Variants in SERINC3 observed in about 807,000 individuals in gnomAD.
SERINC3 encodes the protein tumor differentially expressed protein 1.
In SERINC3, 22 loss-of-function variants were observed where a neutral mutation model predicts 52.1. The ratio of observed to expected loss-of-function variants is 0.42; its 90% confidence interval spans 0.30 to 0.60. SERINC3 has a LOEUF of 0.60. Ranked by LOEUF, SERINC3 falls within the 20% of genes least tolerant of loss-of-function variation. SERINC3 has a pLI of 0.16. For synonymous variants in SERINC3, 226 were observed against 212.7 expected (o/e 1.06, Z -0.54); for missense variants, 564 against 584.6 (o/e 0.96, Z 0.36).
intron 6 of SERINC3, among the ~76,000 whole-genome samples, chr20:44,505,280 T>A (rs2123040464): frequency 6.6e-6 from 1 of 152,312 alleles, no homozygotes; most frequent in African/African-American, 2.4e-5. Flanking sequence ...TAGATAGAAT[T>A]TTCATATTTC....
rs1413447841 is a variant in SERINC3 at position 44,504,838 on chromosome 20, A to C, written c.837T>G (p.Thr279=). ...LLQSSLITLY[T]MYLTWSAMSN... ...ACATGGCTGACCAGGTGAGGTACAT[A>C]GTGTAGAGGGTGATGAGGGAGGACT... is the stretch of plus-strand genomic sequence containing the variant. The change falls in exon 7 of 10, where the codon ACT becomes ACG. Residue 279 remains threonine (T), a synonymous_variant. Transcript: ENST00000342374. 6.2e-7 allele frequency: 1 copy of C among 1,612,872 alleles called. No homozygotes were observed. Among genetic ancestry groups the C allele is most frequent in the Non-Finnish European group, 8.5e-7 (1 of 1,179,124 alleles).
chr20:44,522,052 G>T lies in SERINC3; in HGVS notation c.-101C>A. 1 of 1,289,260 alleles carries T rather than the reference G, an allele frequency of 7.8e-7. No homozygotes were observed. The highest frequency in any genetic ancestry group is 1.1e-6 in the Non-Finnish European group (1 of 916,266). 79.9% of individuals were successfully genotyped at this position (1,289,260 alleles called of 1,614,324 possible). A position where few individuals can be genotyped will look rare whatever the true frequency, so the allele number is the denominator to read the frequency against. On this transcript the variant is annotated 5_prime_UTR_variant, in exon 1 of 10. Transcript: ENST00000342374. ...CCCCAGAAACATGACGGTTTCTCAG[G>T]CCGGAAACGCAGCCTTCCACAGACG... is the stretch of plus-strand genomic sequence containing the variant.
At chr20:44,507,862 C>A (rs1251726100) in intron 5 of SERINC3, among the ~76,000 whole-genome samples, 1 of 152,134 alleles carries the variant, frequency 6.6e-6, no homozygotes, top group African/African-American at 2.4e-5. Context: ...GAACAAAACC[C>A]CATCTCAAAC....
intron 1 of SERINC3, among the ~76,000 whole-genome samples, chr20:44,519,880 T>C (rs2064404793): frequency 6.6e-6 from 1 of 152,206 alleles, no homozygotes; most frequent in African/African-American, 2.4e-5. Context: ...TCCCATTTCC[T>C]GGCATACAAT....
rs770852215 is a variant in SERINC3, at chr20:44,501,097, A to G, written c.1259T>C (p.Met420Thr). Residue 420 changes from methionine to threonine, a missense_variant, in exon 9 of 10, where the codon ATG becomes ACG. Physicochemically the swap from Met to Thr is moderately conservative, Grantham distance 81 (BLOSUM62 -1). Coordinates refer to ENST00000342374, the MANE Select transcript of SERINC3 (RefSeq NM_006811.4). ...LMLCLASLYI[M>T]MTLTSWYSPD... ...CCTGTACCAGCTGGTCAGGGTCATC[A>G]TGATGTACAAGGAAGCCAAGCAGAG... The G allele has an allele frequency of 1.2e-6, 2 of 1,614,000 alleles. No individual in the cohort carries two copies. The highest frequency in any genetic ancestry group is 1.7e-6 in the Non-Finnish European group (2 of 1,179,918).
chr20:44,512,238 G>A (rs564951117), intron 3 of SERINC3, among the ~76,000 whole-genome samples: 19 of 151,652 alleles, frequency 1.3e-4, no homozygotes, highest in East Asian at 1.2e-3. Flanking sequence ...ACTTGAACCC[G>A]GGAGGGGGAG....
intron 5 of SERINC3, among the ~76,000 whole-genome samples, chr20:44,508,627 G>C (rs1353753461): frequency 6.6e-6 from 1 of 152,210 alleles, no homozygotes; most frequent in Non-Finnish European, 1.5e-5. Context: ...GTATGGAATG[G>C]AATACCATGC....
chr20:44,507,797 A>T (rs2064323937), intron 5 of SERINC3, among the ~76,000 whole-genome samples: 1 of 152,212 alleles, frequency 6.6e-6, no homozygotes, highest in African/African-American at 2.4e-5. Flanking sequence ...TGAGCCCAAG[A>T]CATAGAGGTT....
intron 1 of SERINC3, among the ~76,000 whole-genome samples, chr20:44,519,710 CAGG>C (rs1339305177): frequency 2.6e-5 from 4 of 151,780 alleles, no homozygotes; most frequent in African/African-American, 9.7e-5. Context: ...CACTTGAATC[CAGG>C]AGTTCAAGGC....
downstream of SERINC3, among the ~76,000 whole-genome samples, chr20:44,496,925 C>T (rs1568781645): frequency 6.6e-6 from 1 of 152,220 alleles, no homozygotes; most frequent in African/African-American, 2.4e-5. Context: ...CAGGCAGTTT[C>T]TTTGATTACC....
intron 5 of SERINC3, among the ~76,000 whole-genome samples, chr20:44,509,610 C>T (rs528291649): frequency 4.6e-4 from 70 of 152,180 alleles, no homozygotes; most frequent in South Asian, 3.3e-3. Flanking sequence ...CTTACTGCAG[C>T]CTTGAACTCC....
chr20:44,497,386 A>G (rs1297185334), downstream of SERINC3: 6 of 152,246 alleles, frequency 3.9e-5, no homozygotes, highest in Admixed American at 1.3e-4. Flanking sequence ...AAGCAGGGAC[A>G]CTGCCTCCCG....
chr20:44,512,931 A>G lies in SERINC3; in HGVS notation c.265T>C (p.Cys89Arg). The G allele has an allele frequency of 2.6e-6, 4 of 1,550,818 alleles. No individual in the cohort carries two copies. Among genetic ancestry groups the G allele is most frequent in the Non-Finnish European group, 2.6e-6 (3 of 1,157,804 alleles). ...HEADINADKD[C>R]DVLVGYKAVY... ...GCTTTATAACCAACCAGCACATCAC[A>G]ATCTTTATCTGCATTTATATCAGCC... Residue 89 changes from cysteine to arginine, a missense_variant, in exon 3 of 10, where the codon TGT becomes CGT. Coordinates refer to ENST00000342374, the MANE Select transcript of SERINC3 (RefSeq NM_006811.4).
At chr20:44,519,426 G>A in intron 1 of SERINC3, 1 of 972,578 alleles carries the variant, frequency 1.0e-6, no homozygotes. Flanking sequence ...TAATGTGATA[G>A]AAGATAAAAG....
chr20:44,507,497 C>G (rs1049827413), intron 5 of SERINC3, among the ~76,000 whole-genome samples: 1 of 152,142 alleles, frequency 6.6e-6, no homozygotes, highest in Non-Finnish European at 1.5e-5. Flanking sequence ...TAAGACTGTC[C>G]CTGAACTGGA....
At position 44,503,972 on chromosome 20, in the gene SERINC3, T is replaced by C. The variant is rs1368082279; in HGVS notation, c.898A>G (p.Met300Val). 2 of 1,592,418 alleles carry C rather than the reference T, an allele frequency of 1.3e-6. No homozygotes were observed. The highest frequency in any genetic ancestry group is 2.7e-5 in the African/African-American group (2 of 73,580). ...EPDRSCNPNL[M>V]SFITRITAPT... ...GCAGTTATGCGTGTAATAAAGCTCA[T>C]CAGGTTGGGATTGCAGGAACGATCT... The change falls in exon 8 of 10, where the codon ATG becomes GTG. Residue 300 changes from methionine to valine, a missense_variant. Met to Val is a conservative substitution (Grantham distance 21). Coordinates refer to ENST00000342374, the MANE Select transcript of SERINC3 (RefSeq NM_006811.4).
At position 44,513,004 on chromosome 20, in the gene SERINC3, A is replaced by G. The variant is rs1166098355; in HGVS notation, c.202-10T>C. On this transcript the variant is annotated splice_polypyrimidine_tract_variant and intron_variant, in intron 2 of 9. Coordinates refer to ENST00000342374, the MANE Select transcript of SERINC3 (RefSeq NM_006811.4). ...CACAAAATCCAGGAATCTGGAAAAAAGCAATTTCAATGTTACGAGAATATC... is the reference window on the plus strand; with the variant it reads ...CACAAAATCCAGGAATCTGGAAAAAGGCAATTTCAATGTTACGAGAATATC... The G allele has an allele frequency of 6.7e-7, 1 of 1,483,348 alleles. No individual in the cohort carries two copies. Among genetic ancestry groups the G allele is most frequent in the Non-Finnish European group, 8.9e-7 (1 of 1,121,728 alleles). The allele number at this position is 1,483,348 out of a possible 1,614,324, so 91.9% of individuals were successfully genotyped here. A position where few individuals can be genotyped will look rare whatever the true frequency, so the allele number is the denominator to read the frequency against.
At chr20:44,497,178 G>C (rs2064253387), downstream of SERINC3, among the ~76,000 whole-genome samples, 1 of 152,216 alleles carries the variant, frequency 6.6e-6, no homozygotes, top group Non-Finnish European at 1.5e-5. Context: ...CATCTGGAAT[G>C]AAAGGCCACC....
At position 44,521,934 on chromosome 20, in the gene SERINC3, A is replaced by T; in HGVS notation, c.18T>A (p.Gly6=). 2 of 1,611,578 alleles carry T rather than the reference A, an allele frequency of 1.2e-6. No homozygotes were observed. The highest frequency in any genetic ancestry group is 2.2e-5 in the South Asian group (2 of 90,508). The change falls in exon 1 of 10, where the codon GGT becomes GGA. Residue 6 remains glycine, a synonymous_variant. Transcript: ENST00000342374. ...TCACCCAGCTGGCGAGGGAGAAGAC[A>T]CCCAGCACAGCCCCCATGGTGACGC... MGAVL[G]VFSLASWVPC... is the part of the protein sequence containing the mutation.
Sources: gnomAD v4.1 joint callset for allele counts (sites outside exome capture counted in the v4.1 genomes callset) on GRCh38, gnomAD v4.1.1 for gene constraint, MANE v1.5 for transcripts, NCBI Gene and HGNC (gene_info 2026-07-23, HGNC 2026-07-21) for gene names.